Variants in PTPRR observed in about 807,000 individuals in gnomAD.
The protein encoded by PTPRR is protein tyrosine phosphatase receptor type R.
In PTPRR, 38 loss-of-function variants were observed where a neutral mutation model predicts 77.2. The observed-to-expected ratio is 0.49, with a 90% confidence interval of 0.38 to 0.65. PTPRR has a LOEUF of 0.65. PTPRR is among the 30% of genes least tolerant of loss of function. PTPRR has a pLI of 0.00. For missense variants in PTPRR, 744 were observed against 799.2 expected (o/e 0.93, Z 0.83); for synonymous variants, 299 against 283.1 (o/e 1.06, Z -0.57).
intron 2 of PTPRR, among the ~76,000 whole-genome samples, chr12:70,768,045 GC>G (rs1565689259): frequency 1.3e-5 from 2 of 152,060 alleles, no homozygotes; most frequent in Admixed American, 1.3e-4. Context: ...AGCACTAAAT[GC>G]CCACAAGAGA....
At chr12:70,694,684 A>C (rs537258580) in intron 8 of PTPRR, among the ~76,000 whole-genome samples, 10 of 152,272 alleles carry the variant, frequency 6.6e-5, no homozygotes, top group Admixed American at 2.0e-4. Flanking sequence ...GAAGGGCTGA[A>C]AATCTTCCTA....
At chr12:70,737,531 T>C (rs1038715085) in intron 6 of PTPRR, among the ~76,000 whole-genome samples, 3 of 151,674 alleles carry the variant, frequency 2.0e-5, no homozygotes, top group Admixed American at 1.3e-4. Context: ...TCTATCTATC[T>C]ATCTTTCGAG....
At chr12:70,764,866 C>T in intron 2 of PTPRR, 88 bp from the exon 3 acceptor site, 1 of 967,290 alleles carries the variant, frequency 1.0e-6, no homozygotes, top group Non-Finnish European at 1.6e-6. Context: ...TTAATAAGTT[C>T]ACGACATTCA....
chr12:70,740,897 C>A (rs929289675), intron 6 of PTPRR, among the ~76,000 whole-genome samples: 3 of 151,702 alleles, frequency 2.0e-5, no homozygotes, highest in African/African-American at 7.3e-5. Context: ...CATTAGAACA[C>A]ACATATATAT....
chr12:70,650,302 G>A (rs978222973), intron 13 of PTPRR, among the ~76,000 whole-genome samples: 1 of 151,892 alleles, frequency 6.6e-6, no homozygotes, highest in South Asian at 2.1e-4. Context: ...AATTAGCCGG[G>A]AGTAATCCCA....
chr12:70,902,209 T>G (rs1201767946), intron 1 of PTPRR, among the ~76,000 whole-genome samples: 2 of 151,880 alleles, frequency 1.3e-5, no homozygotes, highest in Admixed American at 6.6e-5. Flanking sequence ...ACTTTAACAC[T>G]GCTGGTGGGA....
intron 2 of PTPRR, among the ~76,000 whole-genome samples, chr12:70,871,988 G>A (rs1487322715): frequency 6.6e-6 from 1 of 152,130 alleles, no homozygotes; most frequent in East Asian, 1.9e-4. Flanking sequence ...GCTCTCTTGA[G>A]CCTGTTCTTG....
At chr12:70,738,994 G>A (rs1372264410) in intron 6 of PTPRR, among the ~76,000 whole-genome samples, 4 of 152,140 alleles carry the variant, frequency 2.6e-5, no homozygotes, top group African/African-American at 9.7e-5. Flanking sequence ...TGATTAAATT[G>A]ATACTGTTAT....
chr12:70,698,332 A>C lies in PTPRR; in HGVS notation c.1212T>G (p.Phe404Leu). 1.2e-6 allele frequency: 2 copies of C among 1,612,958 alleles called. No individual in the cohort carries two copies. Among genetic ancestry groups the C allele is most frequent in the Non-Finnish European group, 1.7e-6 (2 of 1,179,288 alleles). ...GAATATCAATTTCTTTGGGATCCAC[A>C]AAGTTCATTGGTATTTCCTGCAAAA... Reference protein sequence around the residue: ...QSEFMEIPMNFVDPKEIDIPR... With the variant: ...QSEFMEIPMNLVDPKEIDIPR... Residue 404 changes from phenylalanine to leucine, a missense_variant, in exon 8 of 14, where the codon TTT (phenylalanine) becomes TTG (leucine). Physicochemically the swap from Phe to Leu is conservative, Grantham distance 22. This residue lies in a region of PTPRR where 570 missense variants were observed against 573.2 expected (regional missense o/e 0.99). Transcript: ENST00000283228.
chr12:70,834,027 G>A (rs1892260545), intron 2 of PTPRR, among the ~76,000 whole-genome samples: 1 of 152,070 alleles, frequency 6.6e-6, no homozygotes, highest in African/African-American at 2.4e-5. Context: ...CAGGAACTTT[G>A]CGTTTTGCCA....
chr12:70,914,892 T>C (rs1893752757), intron 1 of PTPRR, among the ~76,000 whole-genome samples: 1 of 152,162 alleles, frequency 6.6e-6, no homozygotes, highest in Admixed American at 6.5e-5. Context: ...CAATGACTTC[T>C]AGGTAATTTT....
chr12:70,674,129 C>G (rs113894696), intron 10 of PTPRR, among the ~76,000 whole-genome samples: 72 of 152,148 alleles, frequency 4.7e-4, no homozygotes, highest in African/African-American at 1.5e-3. Flanking sequence ...AGATATAAGT[C>G]TCATTACATT....
chr12:70,734,574 T>C (rs1327081710), intron 6 of PTPRR, among the ~76,000 whole-genome samples: 1 of 151,958 alleles, frequency 6.6e-6, no homozygotes, highest in Non-Finnish European at 1.5e-5. Context: ...GCAGCCTGTA[T>C]GAGGGGTGGT....
At chr12:70,769,441 T>G (rs1890913501) in intron 2 of PTPRR, among the ~76,000 whole-genome samples, 1 of 152,148 alleles carries the variant, frequency 6.6e-6, no homozygotes, top group Non-Finnish European at 1.5e-5. Flanking sequence ...TACTTAGGAA[T>G]CCAACTTACA....
chr12:70,818,235 C>CAAA (rs34025995), intron 2 of PTPRR, among the ~76,000 whole-genome samples: 1 of 68,662 alleles, frequency 1.5e-5, no homozygotes, highest in Non-Finnish European at 2.9e-5. Context: ...AACTCCGTCT[C>CAAA]AAAAAAAAAA....
intron 2 of PTPRR, among the ~76,000 whole-genome samples, chr12:70,827,965 C>G (rs1389182262): frequency 6.6e-6 from 1 of 152,080 alleles, no homozygotes; most frequent in East Asian, 1.9e-4. Flanking sequence ...AGTGATCTGT[C>G]TGCCTCAACC....
chr12:70,867,103 G>A (rs1892866578), intron 2 of PTPRR, among the ~76,000 whole-genome samples: 1 of 148,694 alleles, frequency 6.7e-6, no homozygotes, highest in African/African-American at 2.5e-5. Flanking sequence ...GGCAAAAACT[G>A]GAAGCATTCC....
intron 13 of PTPRR, among the ~76,000 whole-genome samples, chr12:70,646,035 G>A (rs1017798166): frequency 1.3e-5 from 2 of 152,228 alleles, no homozygotes; most frequent in Non-Finnish European, 2.9e-5. Context: ...AAATTCTGCA[G>A]TGATGACTCA....
intron 11 of PTPRR, 91 bp from the exon 12 acceptor site, chr12:70,661,188 A>G: frequency 6.7e-7 from 1 of 1,492,816 alleles, no homozygotes; most frequent in Non-Finnish European, 9.1e-7. Flanking sequence ...TATCACCCCC[A>G]TCTTGCTGGC....
Sources: allele counts gnomAD v4.1 joint callset (sites outside exome capture counted in the v4.1 genomes callset), GRCh38; gene constraint gnomAD v4.1.1; regional missense constraint gnomAD v4.1.1; transcripts MANE v1.5; gene names NCBI Gene and HGNC (gene_info 2026-07-23, HGNC 2026-07-21).